Variants in EYS observed in about 807,000 individuals in gnomAD.
The protein encoded by EYS is EGF-like photoreceptor maintenance factor, also known as protein eyes shut homolog.
A neutral mutation model predicts 282.1 loss-of-function variants in EYS; 250 were observed. That is an observed-to-expected ratio of 0.89 (90% CI 0.80 to 0.98). The LOEUF (loss-of-function observed/expected upper bound fraction) is 0.98, where lower values mean the gene tolerates loss of function less well. Ranked by LOEUF, EYS falls within the 50% of genes least tolerant of loss-of-function variation. EYS has a pLI of 0.00. For synonymous variants in EYS, 1,355 were observed against 1,282.9 expected (o/e 1.06, Z -1.20); for missense variants, 4,016 against 3,709.0 (o/e 1.08, Z -2.15).
intron 2 of EYS, among the ~76,000 whole-genome samples, chr6:65,533,383 A>G (rs1260777027): frequency 4.6e-5 from 7 of 152,160 alleles, no homozygotes; most frequent in African/African-American, 1.4e-4. Context: ...AGACGGATTC[A>G]CAGCAGAATT....
intron 16 of EYS, among the ~76,000 whole-genome samples, chr6:64,902,777 T>G (rs1021285745): frequency 1.3e-5 from 2 of 152,092 alleles, no homozygotes; most frequent in African/African-American, 2.4e-5. Flanking sequence ...TGCTGTTGTT[T>G]TAAGGTATTT....
chr6:64,152,582 C>G (rs1403977064), intron 31 of EYS, among the ~76,000 whole-genome samples: 1 of 152,130 alleles, frequency 6.6e-6, no homozygotes, highest in Non-Finnish European at 1.5e-5. Context: ...AGCTTTTAAC[C>G]TAGCTTTTAG....
intron 26 of EYS, among the ~76,000 whole-genome samples, chr6:64,529,983 A>G (rs962144093): frequency 6.6e-6 from 1 of 152,096 alleles, no homozygotes; most frequent in African/African-American, 2.4e-5. Context: ...AAATTTGTGC[A>G]TGGGTATTTC....
intron 5 of EYS, among the ~76,000 whole-genome samples, chr6:65,479,657 C>T (rs1028500330): frequency 2.6e-5 from 4 of 151,970 alleles, no homozygotes; most frequent in South Asian, 2.1e-4. Context: ...CTATGAAATG[C>T]GAAAATTAAC....
At chr6:65,173,301 G>T (rs927899934) in intron 12 of EYS, among the ~76,000 whole-genome samples, 3 of 151,358 alleles carry the variant, frequency 2.0e-5, no homozygotes, top group Non-Finnish European at 4.4e-5. Context: ...ACGTTCTGTA[G>T]AACTGTAAAA....
At chr6:64,700,881 T>C (rs1194406130) in intron 22 of EYS, among the ~76,000 whole-genome samples, 1 of 152,004 alleles carries the variant, frequency 6.6e-6, no homozygotes, top group Non-Finnish European at 1.5e-5. Context: ...CTAAAATTCA[T>C]ATGGAACCAA....
rs537388731 is a variant in EYS, at chr6:65,107,616, T to A, written c.2024-49889A>T. 2.0e-5 allele frequency among the ~76,000 whole-genome samples: 3 copies of A among 151,918 alleles called. 1 individual carries two copies. Among genetic ancestry groups the A allele is most frequent in the Admixed American group, 2.0e-4 (3 of 15,218 alleles). ...TCCATAGCTCCAGAGGCTGTGGTTT[T>A]ACAGAACAACTACAAAACTAAAATC... On this transcript the variant is annotated intron_variant, in intron 12 of 42. Transcript: ENST00000503581.
At chr6:65,043,958 G>C (rs148490007) in intron 13 of EYS, among the ~76,000 whole-genome samples, 1 of 151,518 alleles carries the variant, frequency 6.6e-6, no homozygotes, top group Non-Finnish European at 1.5e-5. Flanking sequence ...AGGAATCTCC[G>C]TACCATTTTT....
chr6:64,318,585 CTT>C (rs1161657369), intron 29 of EYS, among the ~76,000 whole-genome samples: 2 of 151,894 alleles, frequency 1.3e-5, no homozygotes, highest in African/African-American at 4.8e-5. Flanking sequence ...TTTTTATCCT[CTT>C]GACATATTAG....
intron 14 of EYS, among the ~76,000 whole-genome samples, chr6:64,953,905 T>C (rs1367727885): frequency 6.6e-6 from 1 of 151,906 alleles, no homozygotes; most frequent in Non-Finnish European, 1.5e-5. Context: ...TAATATAGAG[T>C]ATAAATCAAG....
intron 14 of EYS, among the ~76,000 whole-genome samples, chr6:64,966,531 C>A (rs1045799844): frequency 1.3e-5 from 2 of 152,110 alleles, no homozygotes; most frequent in Admixed American, 1.3e-4. Context: ...GTTAGGTGGT[C>A]ACTCTGGGGA....
chr6:63,989,997 G>A (rs1022238581), intron 34 of EYS, among the ~76,000 whole-genome samples: 1 of 151,422 alleles, frequency 6.6e-6, no homozygotes, highest in Non-Finnish European at 1.5e-5. Context: ...AATTTTCTCA[G>A]AATAATATCT....
chr6:64,274,992 T>C, intron 30 of EYS, among the ~76,000 whole-genome samples: 1 of 152,222 alleles, frequency 6.6e-6, no homozygotes, highest in East Asian at 1.9e-4. Context: ...TCTGTATCTC[T>C]AGCCTGCTAT....
chr6:65,275,919 T>A (rs1359423127), intron 12 of EYS, among the ~76,000 whole-genome samples: 2 of 152,094 alleles, frequency 1.3e-5, no homozygotes, highest in African/African-American at 4.8e-5. Context: ...AAAACTACTA[T>A]CCATGCACTT....
At chr6:63,940,626 G>A (rs969472155) in intron 35 of EYS, among the ~76,000 whole-genome samples, 3 of 151,948 alleles carry the variant, frequency 2.0e-5, no homozygotes, top group African/African-American at 7.3e-5. Flanking sequence ...GTTCGCAGAT[G>A]CCATTAAGAA....
rs59743261 is a variant in EYS, at chr6:65,519,708, A to ATTT, written c.-332-23718_-332-23716dup. On this transcript the variant is annotated intron_variant, in intron 2 of 42. Transcript: ENST00000503581. ...TAACTATATATATATATATATATAT[A>ATTT]TTTTTTTTTTTTTTTTTTTTTTTTT... Among the ~76,000 whole-genome samples, 66 of 42,574 alleles carry ATTT rather than the reference A, an allele frequency of 1.6e-3. 3 individuals carry two copies. Among genetic ancestry groups the ATTT allele is most frequent in the Non-Finnish European group, 1.6e-3 (44 of 27,184 alleles). 27.9% of individuals were successfully genotyped at this position (42,574 alleles called of 152,430 possible). A position where few individuals can be genotyped will look rare whatever the true frequency, so the allele number is the denominator to read the frequency against.
chr6:64,573,668 G>GA (rs201120695), intron 26 of EYS, among the ~76,000 whole-genome samples: 3 of 151,764 alleles, frequency 2.0e-5, no homozygotes, highest in Non-Finnish European at 2.9e-5. Flanking sequence ...ACAAACATAT[G>GA]AAAAAAAAGC....
At chr6:64,929,493 T>C (rs1377609819) in intron 15 of EYS, among the ~76,000 whole-genome samples, 2 of 152,184 alleles carry the variant, frequency 1.3e-5, no homozygotes, top group African/African-American at 4.8e-5. Context: ...CAAGATACTG[T>C]GCTTTCCCCT....
intron 35 of EYS, among the ~76,000 whole-genome samples, chr6:63,976,987 T>C (rs1766865807): frequency 1.3e-5 from 2 of 151,892 alleles, no homozygotes; most frequent in African/African-American, 4.8e-5. Context: ...TTCTCTGAAC[T>C]CTCTTTTTAA....
Sources: gnomAD v4.1 joint callset for allele counts (sites outside exome capture counted in the v4.1 genomes callset) on GRCh38, gnomAD v4.1.1 for gene constraint, MANE v1.5 for transcripts, NCBI Gene and HGNC (gene_info 2026-07-23, HGNC 2026-07-21) for gene names.